SUSD5: variants seen among roughly 807,000 people sequenced by gnomAD.
SUSD5 encodes sushi domain containing 5.
In SUSD5, 33 loss-of-function variants were observed where a neutral mutation model predicts 29.5. The observed-to-expected ratio is 1.12, with a 90% CI of 0.85 to 1.49. The LOEUF (loss-of-function observed/expected upper bound fraction) is 1.49, where lower values mean the gene tolerates loss of function less well. Ranked by LOEUF, SUSD5 falls within the 40% of genes most tolerant of loss-of-function variation. The pLI, the probability that SUSD5 is intolerant of heterozygous loss-of-function variation, is 0.00. For synonymous variants in SUSD5, 308 were observed against 325.3 expected, an observed-to-expected ratio of 0.95 and a Z score of 0.57; for missense variants, 776 against 800.6, an observed-to-expected ratio of 0.97 and a Z score of 0.37.
chr3:33,178,461 T>TG (rs1478276739), intron 3 of SUSD5, among the ~76,000 whole-genome samples: 3 of 152,078 alleles, frequency 2.0e-5, no homozygotes, highest in Non-Finnish European at 4.4e-5. Context: ...TGTTTTGTTT[T>TG]TTTTTGAGAC....
chr3:33,163,005 C>T (rs2031225062), intron 4 of SUSD5, among the ~76,000 whole-genome samples: 1 of 151,062 alleles, frequency 6.6e-6, no homozygotes, highest in South Asian at 2.1e-4. Flanking sequence ...CCAAAAGTGA[C>T]ACAAGAGGAA....
intron 3 of SUSD5, among the ~76,000 whole-genome samples, chr3:33,187,072 G>A (rs1020420501): frequency 1.3e-5 from 2 of 152,144 alleles, no homozygotes; most frequent in African/African-American, 4.8e-5. Flanking sequence ...AAAAGGCCTG[G>A]ACTTTCCACC....
chr3:33,191,504 T>C (rs1575539263), intron 3 of SUSD5, among the ~76,000 whole-genome samples: 1 of 152,110 alleles, frequency 6.6e-6, no homozygotes, highest in African/African-American at 2.4e-5. Context: ...CCTCAGAGCA[T>C]AGGAAAGTCT....
chr3:33,207,953 T>C, intron 2 of SUSD5, 27 bp from the exon 3 acceptor site: 4 of 1,546,692 alleles, frequency 2.6e-6, no homozygotes, highest in Non-Finnish European at 3.6e-6. Flanking sequence ...AGGCACTGAA[T>C]GAGGAAAACT....
chr3:33,212,809 C>T (rs2032346057), intron 2 of SUSD5, among the ~76,000 whole-genome samples: 1 of 152,180 alleles, frequency 6.6e-6, no homozygotes, highest in African/African-American at 2.4e-5. Flanking sequence ...ATGGATTTTT[C>T]CAACCTAACT....
chr3:33,152,590 C>T lies in SUSD5; in HGVS notation c.*152G>A, dbSNP rs2030925814. On this transcript the variant is annotated 3_prime_UTR_variant, in exon 5 of 5. Coordinates refer to ENST00000309558, the MANE Select transcript of SUSD5 (RefSeq NM_015551.2). ...CAAAGCCTCCCTGCCCTCCCAGGTG[C>T]TCCAGAGACACTTCTCAGCCTATAA... 2.4e-6 allele frequency: 2 copies of T among 819,432 alleles called. No homozygotes were observed. The highest frequency in any genetic ancestry group is 3.8e-6 in the Non-Finnish European group (2 of 531,568). 50.8% of individuals were successfully genotyped at this position (819,432 alleles called of 1,614,324 possible). A position where few individuals can be genotyped will look rare whatever the true frequency, so the allele number is the denominator to read the frequency against.
At chr3:33,174,772 T>A in intron 4 of SUSD5, 114 bp downstream of exon 4, 1 of 1,261,272 alleles carries the variant, frequency 7.9e-7, no homozygotes, top group Non-Finnish European at 1.1e-6. Flanking sequence ...TCTGAAAGCC[T>A]CTTTTCAAAG....
chr3:33,179,488 C>T (rs2031624750), intron 3 of SUSD5, among the ~76,000 whole-genome samples: 1 of 152,044 alleles, frequency 6.6e-6, no homozygotes, highest in Non-Finnish European at 1.5e-5. Context: ...TTCTTGTTGG[C>T]CTCTCTGTGT....
At chr3:33,206,387 T>C (rs1167612349) in intron 3 of SUSD5, among the ~76,000 whole-genome samples, 3 of 148,790 alleles carry the variant, frequency 2.0e-5, no homozygotes, top group African/African-American at 4.9e-5. Context: ...AATAAATAAA[T>C]AAATAAAAAT....
intron 3 of SUSD5, among the ~76,000 whole-genome samples, chr3:33,197,488 T>C (rs914117709): frequency 6.6e-6 from 1 of 152,140 alleles, no homozygotes; most frequent in African/African-American, 2.4e-5. Context: ...ATAAATAAAA[T>C]TCATCAATTT....
chr3:33,161,580 A>T (rs2031189146), intron 4 of SUSD5, among the ~76,000 whole-genome samples: 1 of 152,196 alleles, frequency 6.6e-6, no homozygotes, highest in Non-Finnish European at 1.5e-5. Context: ...AAAAGGTGTC[A>T]GCTTGTATAA....
chr3:33,168,451 A>G (rs1369172933), intron 4 of SUSD5: 4 of 903,458 alleles, frequency 4.4e-6, no homozygotes, highest in Non-Finnish European at 5.3e-6. Flanking sequence ...GGAGAAAAAC[A>G]GAAATAGAAG....
intron 1 of SUSD5, among the ~76,000 whole-genome samples, chr3:33,217,454 G>A (rs182041006): frequency 2.0e-4 from 31 of 152,216 alleles, no homozygotes; most frequent in African/African-American, 7.0e-4. Context: ...ATTTTAAAAT[G>A]ACAAATTTTA....
At chr3:33,187,888 G>A (rs1416320424) in intron 3 of SUSD5, among the ~76,000 whole-genome samples, 2 of 142,836 alleles carry the variant, frequency 1.4e-5, no homozygotes, top group East Asian at 2.1e-4. Context: ...CCACCTATGA[G>A]TGAGAACATG....
intron 3 of SUSD5, 93 bp from the exon 4 acceptor site, chr3:33,175,167 C>T (rs777727525): frequency 3.1e-5 from 42 of 1,343,346 alleles, no homozygotes; most frequent in Non-Finnish European, 3.8e-5. Context: ...TCTCCCCTGC[C>T]GCCCACCGTA....
intron 4 of SUSD5, among the ~76,000 whole-genome samples, chr3:33,172,221 A>T (rs1050225439): frequency 7.1e-6 from 1 of 140,606 alleles, no homozygotes; most frequent in Non-Finnish European, 1.5e-5. Context: ...ACACACACAC[A>T]CTCTTCTTAC....
chr3:33,153,983 A>G lies in SUSD5; in HGVS notation c.649T>C (p.Ser217Pro). 1 of 1,609,516 alleles carries G rather than the reference A, an allele frequency of 6.2e-7. No individual in the cohort carries two copies. Among genetic ancestry groups the G allele is most frequent in the East Asian group, 2.2e-5 (1 of 44,866 alleles). Reference sequence around the variant, plus strand: ...TCCATGAGCTCTCTGAATGACACAGATCTGTCATCAGGGAAGTTATCTTCA... The same window carrying G: ...TCCATGAGCTCTCTGAATGACACAGGTCTGTCATCAGGGAAGTTATCTTCA... Reference protein sequence around the residue: ...DYEDNFPDDRSVSFRELMEDS... With the variant: ...DYEDNFPDDRPVSFRELMEDS... The change falls in exon 5 of 5, where the codon TCT becomes CCT. Residue 217 changes from serine (S) to proline (P), a missense_variant. Coordinates refer to ENST00000309558, the MANE Select transcript of SUSD5 (RefSeq NM_015551.2).
intron 1 of SUSD5, among the ~76,000 whole-genome samples, chr3:33,215,124 T>A (rs6763773): frequency 0.53 from 79,982 of 151,508 alleles, 21,860 homozygotes; most frequent in East Asian, 0.87. Context: ...AAATAAACAC[T>A]TCCATAGGTG....
Position 33,197,546 on chromosome 3 carries a change from C to A in SUSD5, c.409+10262G>T, listed in dbSNP as rs575891454. 3.6e-5 allele frequency among the ~76,000 whole-genome samples: 5 copies of A among 138,336 alleles called. 1 individual carries two copies. The South Asian group carries it at 6.4e-4, about 18-fold the overall frequency. The allele number at this position is 138,336 out of a possible 152,430, so 90.8% of individuals were successfully genotyped here. ...TTGCTAAATGTATCCAATTGTATAA[C>A]CACCACCACCACCACAACAATCAAG... On this transcript the variant is annotated intron_variant, in intron 3 of 4. Coordinates refer to ENST00000309558, the MANE Select transcript of SUSD5 (RefSeq NM_015551.2).
Sources: gnomAD v4.1 joint callset for allele counts (sites outside exome capture counted in the v4.1 genomes callset) on GRCh38, gnomAD v4.1.1 for gene constraint, MANE v1.5 for transcripts, NCBI Gene and HGNC (gene_info 2026-07-23, HGNC 2026-07-21) for gene names.